NELL2: variants seen among roughly 807,000 people sequenced by gnomAD.
NELL2 encodes the protein neural EGFL like 2.
A neutral mutation model predicts 109.6 loss-of-function variants in NELL2; 41 were observed. The observed-to-expected ratio is 0.37, with a 90% confidence interval of 0.29 to 0.49. NELL2 has a LOEUF of 0.49. Among genes scored for constraint, NELL2 ranks in the 20% least tolerant of loss-of-function variants. The probability of loss-of-function intolerance (pLI) is 0.98; values close to 1 mark genes in which losing one functional copy is unlikely to be tolerated. For missense variants in NELL2, 900 were observed against 1,008.3 expected, an observed-to-expected ratio of 0.89 and a Z score of 1.45; for synonymous variants, 355 against 344.7, an observed-to-expected ratio of 1.03 and a Z score of -0.33.
At chr12:44,820,865 G>T (rs1943518747) in intron 2 of NELL2, among the ~76,000 whole-genome samples, 1 of 152,054 alleles carries the variant, frequency 6.6e-6, no homozygotes, top group Non-Finnish European at 1.5e-5. Flanking sequence ...TCCAGAATTT[G>T]ATATGAGAGA....
intron 9 of NELL2, among the ~76,000 whole-genome samples, chr12:44,758,725 A>T (rs1940998163): frequency 6.6e-6 from 1 of 152,164 alleles, no homozygotes; most frequent in South Asian, 2.1e-4. Flanking sequence ...TTTCAATATA[A>T]AGCTGGGTTA....
intron 3 of NELL2, among the ~76,000 whole-genome samples, chr12:44,792,880 T>C (rs1942485688): frequency 6.6e-6 from 1 of 152,210 alleles, no homozygotes. Context: ...TCTAAAAATC[T>C]GTCCTACTCA....
chr12:44,660,879 G>A (rs936478399), intron 13 of NELL2, among the ~76,000 whole-genome samples: 6 of 152,086 alleles, frequency 3.9e-5, no homozygotes, highest in Non-Finnish European at 8.8e-5. Context: ...GGCAGGAGAG[G>A]GTTCTCCTCC....
At chr12:44,766,649 C>A in intron 9 of NELL2, among the ~76,000 whole-genome samples, 1 of 152,118 alleles carries the variant, frequency 6.6e-6, no homozygotes, top group Admixed American at 6.6e-5. Flanking sequence ...ATGAATGATA[C>A]CTAGATTATC....
intron 15 of NELL2, among the ~76,000 whole-genome samples, chr12:44,589,265 G>GA (rs199862398): frequency 0.05 from 6,757 of 136,048 alleles, 345 homozygotes; most frequent in African/African-American, 0.13. Context: ...CAGTCCAGTG[G>GA]AAAAAAAAAA....
intron 9 of NELL2, among the ~76,000 whole-genome samples, chr12:44,723,357 T>C (rs1938893994): frequency 1.3e-5 from 2 of 152,204 alleles, no homozygotes; most frequent in South Asian, 4.1e-4. Flanking sequence ...AAAATTAACA[T>C]TTGAATAGAG....
At chr12:44,810,364 T>C (rs1186609194) in intron 3 of NELL2, among the ~76,000 whole-genome samples, 1 of 152,064 alleles carries the variant, frequency 6.6e-6, no homozygotes, top group East Asian at 1.9e-4. Context: ...GAAAGCTGCA[T>C]TCCACAGCAT....
At chr12:44,699,240 G>A (rs1351237551) in intron 12 of NELL2, among the ~76,000 whole-genome samples, 7 of 152,076 alleles carry the variant, frequency 4.6e-5, no homozygotes, top group African/African-American at 1.7e-4. Context: ...TGGATGGATG[G>A]CGATGAATAT....
chr12:44,899,816 C>A (rs952595423), intron 1 of NELL2, among the ~76,000 whole-genome samples: 1 of 152,096 alleles, frequency 6.6e-6, no homozygotes, highest in East Asian at 1.9e-4. Flanking sequence ...CACAGACTGG[C>A]AAATTGGATA....
At chr12:44,730,395 C>A (rs1366231342) in intron 9 of NELL2, among the ~76,000 whole-genome samples, 1 of 152,038 alleles carries the variant, frequency 6.6e-6, no homozygotes, top group African/African-American at 2.4e-5. Flanking sequence ...TACTATAAAA[C>A]AAGTCTTAAC....
At chr12:44,679,215 G>T (rs1236054516) in intron 12 of NELL2, among the ~76,000 whole-genome samples, 1 of 152,122 alleles carries the variant, frequency 6.6e-6, no homozygotes, top group Non-Finnish European at 1.5e-5. Context: ...AAGGGTGGAA[G>T]TAAGGCATGC....
intron 1 of NELL2, among the ~76,000 whole-genome samples, chr12:44,919,183 T>C (rs924426914): frequency 3.9e-5 from 6 of 152,124 alleles, no homozygotes; most frequent in African/African-American, 1.4e-4. Flanking sequence ...TCTGTAACAA[T>C]TTTTAAAACT....
intron 15 of NELL2, among the ~76,000 whole-genome samples, chr12:44,605,703 C>T (rs1272322275): frequency 6.6e-6 from 1 of 152,106 alleles, no homozygotes; most frequent in Non-Finnish European, 1.5e-5. Context: ...AAATTCCACA[C>T]CATTATCTTC....
intron 15 of NELL2, among the ~76,000 whole-genome samples, chr12:44,584,342 T>C (rs1287404039): frequency 6.6e-6 from 1 of 152,188 alleles, no homozygotes; most frequent in Non-Finnish European, 1.5e-5. Context: ...GACAGAGCAG[T>C]GTGCAAGAAA....
At chr12:44,580,489 G>A (rs1376512597) in intron 15 of NELL2, among the ~76,000 whole-genome samples, 1 of 152,112 alleles carries the variant, frequency 6.6e-6, no homozygotes, top group Non-Finnish European at 1.5e-5. Flanking sequence ...GGCCGAGGTG[G>A]GCAGATTGCC....
At chr12:44,521,750 A>G (rs975643878) in intron 18 of NELL2, among the ~76,000 whole-genome samples, 3 of 151,800 alleles carry the variant, frequency 2.0e-5, no homozygotes, top group Admixed American at 2.0e-4. Context: ...CTATGGAGAT[A>G]CTCCTGAAAG....
At chr12:44,594,671 C>T (rs964373607) in intron 15 of NELL2, among the ~76,000 whole-genome samples, 4 of 152,010 alleles carry the variant, frequency 2.6e-5, no homozygotes, top group African/African-American at 9.7e-5. Flanking sequence ...AATATAAAGT[C>T]CTTGAAGATA....
chr12:44,557,427 A>G lies in NELL2; in HGVS notation c.1664-24706T>C, dbSNP rs899212269. Among the ~76,000 whole-genome samples the G allele has an allele frequency of 2.0e-5, 3 of 152,188 alleles. No homozygotes were observed. The East Asian group carries it at 5.8e-4, about 29-fold the overall frequency. On this transcript the variant is annotated intron_variant, in intron 15 of 19. Coordinates refer to ENST00000429094, the MANE Select transcript of NELL2 (RefSeq NM_001145108.2). ...GGTAAAGTTGAAGGGGAGATGGTAG[A>G]AAGAGAGCTATATTAGAGAAAGGAA...
intron 15 of NELL2, among the ~76,000 whole-genome samples, chr12:44,549,765 A>G (rs1942954162): frequency 6.6e-6 from 1 of 152,186 alleles, no homozygotes; most frequent in African/African-American, 2.4e-5. Context: ...AAATGGAAAG[A>G]TATCCTAAGT....
Sources: gnomAD v4.1 joint callset for allele counts (sites outside exome capture counted in the v4.1 genomes callset) on GRCh38, gnomAD v4.1.1 for gene constraint, MANE v1.5 for transcripts, NCBI Gene and HGNC (gene_info 2026-07-23, HGNC 2026-07-21) for gene names.